Variants in LIMK2 observed in about 807,000 individuals in gnomAD.
LIMK2 encodes LIM domain kinase 2.
A neutral mutation model predicts 75.7 loss-of-function variants in LIMK2; 35 were observed. The ratio of observed to expected loss-of-function variants is 0.46; its 90% CI spans 0.35 to 0.61. The LOEUF (loss-of-function observed/expected upper bound fraction) is 0.61. LIMK2 is among the 20% of genes least tolerant of loss of function. The pLI is 0.00. For synonymous variants in LIMK2, 301 were observed against 319.2 expected, an observed-to-expected ratio of 0.94 and a Z score of 0.61; for missense variants, 623 against 831.0, an observed-to-expected ratio of 0.75 and a Z score of 3.08.
At chr22:31,214,069 G>A (rs975059281) in intron 1 of LIMK2, among the ~76,000 whole-genome samples, 6 of 151,934 alleles carry the variant, frequency 3.9e-5, no homozygotes, top group Non-Finnish European at 7.4e-5. Context: ...CGCCCGCTTC[G>A]GCCTCCCAAA....
At chr22:31,275,077 C>T (rs2048999543) in intron 14 of LIMK2, 74 bp from the exon 15 acceptor site, 1 of 1,446,176 alleles carries the variant, frequency 6.9e-7, no homozygotes, top group Non-Finnish European at 9.7e-7. Flanking sequence ...GTCCACATCC[C>T]AGCATCCCTT....
Position 31,272,614 on chromosome 22 carries a change from A to G in LIMK2, c.1468A>G (p.Thr490Ala). The change falls in exon 13 of 16, where the codon ACC becomes GCC. Residue 490 changes from threonine (T) to alanine (A), a missense_variant. Thr to Ala is a moderately conservative substitution (Grantham distance 58). Coordinates refer to ENST00000331728, the MANE Select transcript of LIMK2 (RefSeq NM_005569.4). ...AAGGGCCCCCATGGAGAAGGCCACC[A>G]CCAAGAAACGCACCTTGCGCAAGAA... ...RKRAPMEKAT[T>A]KKRTLRKNDR... 1 of 1,614,088 alleles carries G rather than the reference A, an allele frequency of 6.2e-7. No individual in the cohort carries two copies. The highest frequency in any genetic ancestry group is 2.2e-5 in the East Asian group (1 of 44,856).
intron 3 of LIMK2, chr22:31,258,757 A>T (rs1834092843): frequency 2.6e-6 from 1 of 383,072 alleles, no homozygotes; most frequent in Admixed American, 3.8e-5. Flanking sequence ...TCAGAAAAGG[A>T]GACTCTGGAA....
intron 2 of LIMK2, among the ~76,000 whole-genome samples, chr22:31,253,263 A>C (rs1400148981): frequency 6.6e-6 from 1 of 152,238 alleles, no homozygotes; most frequent in Non-Finnish European, 1.5e-5. Flanking sequence ...ACCTACAGCC[A>C]GGGCAGATTT....
In LIMK2 at chr22:31,258,393, T is replaced by C. The variant is rs2048806130; in HGVS notation, c.219T>C (p.His73=). 6.2e-7 allele frequency: 1 copy of C among 1,614,158 alleles called. No homozygotes were observed. Among genetic ancestry groups the C allele is most frequent in the Non-Finnish European group, 8.5e-7 (1 of 1,179,998 alleles). The change falls in exon 3 of 16, where the codon CAT becomes CAC. Residue 73 remains histidine (H), a synonymous_variant. Transcript: ENST00000331728. ...DYWGKFGEFC[H]GCSLLMTGPF... is the part of the protein sequence containing the mutation. ...GGGGGAAGTTTGGGGAGTTCTGTCATGGGTGCTCCCTGCTGATGACAGGGC... is the reference window on the plus strand; with the variant it reads ...GGGGGAAGTTTGGGGAGTTCTGTCACGGGTGCTCCCTGCTGATGACAGGGC...
intron 5 of LIMK2, among the ~76,000 whole-genome samples, chr22:31,261,639 G>A (rs138561957): frequency 1.1e-4 from 16 of 151,282 alleles, no homozygotes; most frequent in East Asian, 7.8e-4. Flanking sequence ...ATGGTGGTGC[G>A]CGCCTGTAAT....
Position 31,267,924 on chromosome 22 carries a change from A to C in LIMK2, c.1260+17A>C, listed in dbSNP as rs758310015. 7.6e-6 allele frequency: 12 copies of C among 1,583,576 alleles called. No individual in the cohort carries two copies. Among genetic ancestry groups the C allele is most frequent in the Admixed American group, 3.6e-5 (2 of 55,428 alleles). ...CGCAGTATGGTGAGCACACCACCCC[A>C]TAGTCTCCAGGAGCCTTGGTGGGTT... On this transcript the variant is annotated intron_variant, in intron 10 of 15. Transcript: ENST00000331728.
chr22:31,250,942 G>T (rs1219888867), intron 2 of LIMK2, among the ~76,000 whole-genome samples: 1 of 152,216 alleles, frequency 6.6e-6, no homozygotes, highest in Admixed American at 6.5e-5. Context: ...TGCAAGGAAA[G>T]TGACGCAACC....
chr22:31,269,132 A>G (rs1315706707), intron 11 of LIMK2, among the ~76,000 whole-genome samples: 1 of 151,358 alleles, frequency 6.6e-6, no homozygotes, highest in Non-Finnish European at 1.5e-5. Context: ...TTGAGAAAGG[A>G]TATTGCTCTG....
chr22:31,259,423 C>G (rs544886881), intron 4 of LIMK2, among the ~76,000 whole-genome samples, 193 bp downstream of exon 4: 2 of 152,130 alleles, frequency 1.3e-5, no homozygotes, highest in East Asian at 3.9e-4. Flanking sequence ...TTTTTCCTTA[C>G]CAACCTTGAA....
intron 8 of LIMK2, among the ~76,000 whole-genome samples, chr22:31,266,624 A>G (rs965910987): frequency 4.3e-4 from 65 of 152,224 alleles, no homozygotes; most frequent in African/African-American, 1.4e-3. Context: ...TCCCTGGTGC[A>G]TGTCTTTGGC....
At chr22:31,247,511 T>G (rs1226812238) in intron 2 of LIMK2, among the ~76,000 whole-genome samples, 1 of 152,152 alleles carries the variant, frequency 6.6e-6, no homozygotes, top group African/African-American at 2.4e-5. Flanking sequence ...ACTCAGTGAA[T>G]AGTGAGTGAA....
At chr22:31,222,027 G>A (rs2123769098) in intron 1 of LIMK2, among the ~76,000 whole-genome samples, 1 of 152,242 alleles carries the variant, frequency 6.6e-6, no homozygotes, top group Admixed American at 6.5e-5. Context: ...TATGCAGAAA[G>A]TGGGAAGTGA....
At chr22:31,255,019 T>C (rs1457005263) in intron 2 of LIMK2, among the ~76,000 whole-genome samples, 1 of 151,996 alleles carries the variant, frequency 6.6e-6, no homozygotes, top group Non-Finnish European at 1.5e-5. Context: ...GTGATGACAT[T>C]GCCATTTCAC....
intron 5 of LIMK2, among the ~76,000 whole-genome samples, chr22:31,261,324 G>T (rs2048836290): frequency 6.6e-6 from 1 of 152,024 alleles, no homozygotes; most frequent in Non-Finnish European, 1.5e-5. Context: ...GAGGTGGGCG[G>T]ATCACAAGGT....
At chr22:31,252,250 C>G (rs2048732080) in intron 2 of LIMK2, among the ~76,000 whole-genome samples, 1 of 152,002 alleles carries the variant, frequency 6.6e-6, no homozygotes, top group African/African-American at 2.4e-5. Context: ...CTATTAGAAT[C>G]AATTGATTTC....
Position 31,278,704 on chromosome 22 carries a change from T to C in LIMK2, c.*263T>C. ...GTGAAGAAGAAAAAAACCCCTGGCCTTTGGGCCAGGAGGAATCTGTTACTC... is the reference window on the plus strand; with the variant it reads ...GTGAAGAAGAAAAAAACCCCTGGCCCTTGGGCCAGGAGGAATCTGTTACTC... On this transcript the variant is annotated 3_prime_UTR_variant, in exon 16 of 16. Transcript: ENST00000331728. 1 of 308,944 alleles carries C rather than the reference T, an allele frequency of 3.2e-6. No homozygotes were observed. Among genetic ancestry groups the C allele is most frequent in the Non-Finnish European group, 6.0e-6 (1 of 167,012 alleles). 19.1% of individuals were successfully genotyped at this position (308,944 alleles called of 1,614,324 possible).
chr22:31,214,314 T>A (rs2048372562), intron 1 of LIMK2, among the ~76,000 whole-genome samples: 3 of 152,246 alleles, frequency 2.0e-5, no homozygotes, highest in Non-Finnish European at 4.4e-5. Flanking sequence ...AGCCAAATGC[T>A]GAGTACAGTG....
intron 13 of LIMK2, 194 bp downstream of exon 13, chr22:31,272,898 T>C: frequency 7.3e-7 from 1 of 1,367,432 alleles, no homozygotes; most frequent in East Asian, 2.7e-5. Flanking sequence ...CTGATCAGTG[T>C]CCCATCATGG....
Sources: allele counts gnomAD v4.1 joint callset (sites outside exome capture counted in the v4.1 genomes callset), GRCh38; gene constraint gnomAD v4.1.1; transcripts MANE v1.5; gene names NCBI Gene and HGNC (gene_info 2026-07-23, HGNC 2026-07-21).